CEP162: variants seen among roughly 807,000 people sequenced by gnomAD.
The protein encoded by CEP162 is centrosomal protein 162, also known as centrosomal protein of 162 kDa.
Under a neutral mutation model 169.2 loss-of-function variants are expected in CEP162, and 141 were observed. The observed-to-expected ratio is 0.83, with a 90% CI of 0.73 to 0.96. The LOEUF (loss-of-function observed/expected upper bound fraction) is 0.96, where lower values mean the gene tolerates loss of function less well. Among genes scored for constraint, CEP162 ranks in the 40% least tolerant of loss-of-function variants. The pLI, the probability that CEP162 is intolerant of heterozygous loss-of-function variation, is 0.00. For missense variants in CEP162, 1,600 were observed against 1,587.2 expected (o/e 1.01, Z -0.14); for synonymous variants, 540 against 526.4 (o/e 1.03, Z -0.35).
chr6:84,167,287 T>C (rs2099528188), intron 18 of CEP162, among the ~76,000 whole-genome samples: 1 of 152,212 alleles, frequency 6.6e-6, no homozygotes, highest in Admixed American at 6.5e-5. Flanking sequence ...TCCTTAGTTG[T>C]TTATGATCAT....
chr6:84,157,387 C>T (rs1439858828), intron 21 of CEP162, among the ~76,000 whole-genome samples: 1 of 152,130 alleles, frequency 6.6e-6, no homozygotes, highest in East Asian at 1.9e-4. Context: ...AATATATCTT[C>T]AGGGCTGGGT....
At chr6:84,174,689 A>G (rs1464821665) in intron 15 of CEP162, 38 bp downstream of exon 15, 2 of 967,486 alleles carry the variant, frequency 2.1e-6, no homozygotes, top group South Asian at 3.4e-5. Flanking sequence ...TTTTTTTTTA[A>G]TAAATATAAA....
At chr6:84,198,923 C>A (rs2099543294) in intron 9 of CEP162, among the ~76,000 whole-genome samples, 1 of 152,182 alleles carries the variant, frequency 6.6e-6, no homozygotes, top group South Asian at 2.1e-4. Flanking sequence ...CTGCATAATA[C>A]ACAAATGTAC....
intron 13 of CEP162, among the ~76,000 whole-genome samples, chr6:84,183,672 A>C (rs1421962374): frequency 1.3e-5 from 2 of 152,078 alleles, no homozygotes; most frequent in Non-Finnish European, 2.9e-5. Context: ...CAACCATTTT[A>C]ATCACTTTTA....
intron 21 of CEP162, among the ~76,000 whole-genome samples, chr6:84,156,989 C>T (rs2099523480): frequency 6.6e-6 from 1 of 152,002 alleles, no homozygotes; most frequent in Non-Finnish European, 1.5e-5. Flanking sequence ...GGGGTGAGGG[C>T]TAAAAAATTA....
Position 84,153,054 on chromosome 6 carries a change from G to T in CEP162, c.3120C>A (p.Ile1040=). The T allele has an allele frequency of 6.2e-7, 1 of 1,613,506 alleles. No individual in the cohort carries two copies. Among genetic ancestry groups the T allele is most frequent in the African/African-American group, 1.3e-5 (1 of 75,018 alleles). Residue 1040 remains isoleucine (I), a synonymous_variant, in exon 23 of 27, where the codon ATC becomes ATA. Coordinates refer to ENST00000403245, the MANE Select transcript of CEP162 (RefSeq NM_014895.4). ...ELDDIKEAHQ[I]TVRNLEAEID... is the part of the protein sequence containing the mutation. ...TTTCGGCTTCAAGGTTTCTTACAGT[G>T]ATCTGATGGGCTTCCTTGATGTCAT...
In CEP162 at chr6:84,163,257, CTG is replaced by C. The variant is rs1465459492; in HGVS notation, c.2397_2398del (p.Asp799GlufsTer17). Reference sequence around the variant, plus strand: ...CAGTCTTTTGATGTCTTCCAATAAACTGTCTTTTTCTTTCTTGATATTCAAAA... The same window carrying C: ...CAGTCTTTTGATGTCTTCCAATAAACTCTTTTTCTTTCTTGATATTCAAAA... On this transcript the variant is annotated frameshift_variant, in exon 19 of 27. Coordinates refer to ENST00000403245, the MANE Select transcript of CEP162 (RefSeq NM_014895.4). LOFTEE classifies it high-confidence loss of function. 3 of 1,604,360 alleles carry C rather than the reference CTG, an allele frequency of 1.9e-6. No homozygotes were observed. Among genetic ancestry groups the C allele is most frequent in the African/African-American group, 1.3e-5 (1 of 74,330 alleles).
intron 25 of CEP162, among the ~76,000 whole-genome samples, chr6:84,134,919 T>TACACACACACACACACACAC (rs35312098): frequency 6.7e-6 from 1 of 148,256 alleles, no homozygotes; most frequent in African/African-American, 2.5e-5. Context: ...AGATCATATA[T>TACACACACACACACACACAC]ACACACACAC....
In CEP162 at chr6:84,195,053, A is replaced by G; in HGVS notation, c.858T>C (p.Ser286=). The change falls in exon 10 of 27, where the codon AGT becomes AGC. Residue 286 remains serine (S), a synonymous_variant. Transcript: ENST00000403245. Reference sequence around the variant, plus strand: ...CTTGATGTAGGGCTTCAACGTCACTACTGCTTTGTCCATAAGAAACACCTG... The same window carrying G: ...CTTGATGTAGGGCTTCAACGTCACTGCTGCTTTGTCCATAAGAAACACCTG... ...TGTGVSYGQS[S]SDVEALHQAY... The G allele has an allele frequency of 6.3e-7, 1 of 1,595,002 alleles. No homozygotes were observed. Among genetic ancestry groups the G allele is most frequent in the Middle Eastern group, 1.7e-4 (1 of 6,028 alleles).
intron 16 of CEP162, among the ~76,000 whole-genome samples, chr6:84,173,202 C>T (rs565960790): frequency 2.6e-5 from 4 of 152,150 alleles, no homozygotes; most frequent in Non-Finnish European, 4.4e-5. Flanking sequence ...TTTCATTGAT[C>T]GATTGCTGTG....
At chr6:84,149,973 TTC>T (rs1207341931) in intron 23 of CEP162, among the ~76,000 whole-genome samples, 3 of 152,142 alleles carry the variant, frequency 2.0e-5, no homozygotes, top group African/African-American at 7.2e-5. Context: ...AGGCTACACT[TTC>T]TGAGGGAATC....
At chr6:84,204,538 A>G (rs1418205723) in intron 6 of CEP162, among the ~76,000 whole-genome samples, 5 of 152,226 alleles carry the variant, frequency 3.3e-5, no homozygotes, top group Admixed American at 6.5e-5. Flanking sequence ...AATGAGAACA[A>G]AGACACAACA....
intron 21 of CEP162, among the ~76,000 whole-genome samples, chr6:84,159,666 G>C (rs2099524918): frequency 7.0e-6 from 1 of 142,882 alleles, no homozygotes; most frequent in Admixed American, 7.3e-5. Flanking sequence ...CCAGGTTCAA[G>C]TGATTCTCTT....
chr6:84,174,147 T>C lies in CEP162; in HGVS notation c.2067A>G (p.Leu689=). The C allele has an allele frequency of 6.2e-7, 1 of 1,609,388 alleles. No individual in the cohort carries two copies. The highest frequency in any genetic ancestry group is 8.5e-7 in the Non-Finnish European group (1 of 1,177,308). ...CAGGATCAGCTGCTTCTCCAAAATG[T>C]AACCACCTTTGTTTTTTGTTTGTTT... ...FEETNKKQRW[L]HFGEAADPVT... The change falls in exon 16 of 27, where the codon TTA becomes TTG. Residue 689 remains leucine (L), a synonymous_variant. Transcript: ENST00000403245.
intron 21 of CEP162, among the ~76,000 whole-genome samples, chr6:84,156,120 C>T (rs1426993552): frequency 6.6e-6 from 1 of 152,060 alleles, no homozygotes; most frequent in African/African-American, 2.4e-5. Context: ...CAAAAAAATA[C>T]ACTAGGGAAA....
At chr6:84,142,169 A>G (rs972650214) in intron 25 of CEP162, among the ~76,000 whole-genome samples, 1 of 152,236 alleles carries the variant, frequency 6.6e-6, no homozygotes, top group Non-Finnish European at 1.5e-5. Context: ...CCTCCATAAG[A>G]TTATCTGCAA....
chr6:84,220,068 G>T (rs182319263), intron 3 of CEP162, among the ~76,000 whole-genome samples: 60 of 152,198 alleles, frequency 3.9e-4, no homozygotes, highest in Middle Eastern at 6.8e-3. Flanking sequence ...CAGGAGATGA[G>T]GAATGATTAC....
At position 84,146,670 on chromosome 6, in the gene CEP162, T is replaced by G. The variant is rs2099519024; in HGVS notation, c.3870+17A>C. 3 of 1,248,178 alleles carry G rather than the reference T, an allele frequency of 2.4e-6. No individual in the cohort carries two copies. The highest frequency in any genetic ancestry group is 2.3e-6 in the Non-Finnish European group (2 of 888,508). The allele number at this position is 1,248,178 out of a possible 1,614,324, so 77.3% of individuals were successfully genotyped here. On this transcript the variant is annotated intron_variant, in intron 25 of 26. Coordinates refer to ENST00000403245, the MANE Select transcript of CEP162 (RefSeq NM_014895.4). ...AAGAAAAACTTATTTTAGCCCAATATTTTGGCCATTTCTTACCTCTTTCTG... is the reference window on the plus strand; with the variant it reads ...AAGAAAAACTTATTTTAGCCCAATAGTTTGGCCATTTCTTACCTCTTTCTG...
intron 17 of CEP162, among the ~76,000 whole-genome samples, chr6:84,169,892 A>G (rs1382941213): frequency 6.6e-6 from 1 of 152,152 alleles, no homozygotes; most frequent in Non-Finnish European, 1.5e-5. Context: ...TATTCCAGAG[A>G]TATTATAGAA....
Sources: allele counts gnomAD v4.1 joint callset (sites outside exome capture counted in the v4.1 genomes callset), GRCh38; gene constraint gnomAD v4.1.1; transcripts MANE v1.5; gene names NCBI Gene and HGNC (gene_info 2026-07-23, HGNC 2026-07-21).